The following BCAS3 variants were observed in gnomAD, a reference collection of about 807,000 sequenced individuals.
BCAS3 encodes the protein BCAS4/BCAS3 fusion.
Under a neutral mutation model 116.1 loss-of-function variants are expected in BCAS3, and 53 were observed. The ratio of observed to expected loss-of-function variants is 0.46; its 90% CI spans 0.37 to 0.57. BCAS3 has a LOEUF of 0.57. Among genes scored for constraint, BCAS3 ranks in the 20% least tolerant of loss-of-function variants. The pLI is 0.00. For missense variants in BCAS3, 917 were observed against 1,165.4 expected, an observed-to-expected ratio of 0.79 and a Z score of 3.10; for synonymous variants, 391 against 408.2, an observed-to-expected ratio of 0.96 and a Z score of 0.51.
At chr17:61,043,417 G>T (rs2067708135) in intron 19 of BCAS3, among the ~76,000 whole-genome samples, 1 of 151,970 alleles carries the variant, frequency 6.6e-6, no homozygotes, top group Non-Finnish European at 1.5e-5. Context: ...TGATTCTGTG[G>T]TTTCTCATAT....
rs2076376887 is a variant in BCAS3, at chr17:61,132,176, T to A, written c.2425+47612T>A. Among the ~76,000 whole-genome samples, 1 of 152,222 alleles carries A rather than the reference T, an allele frequency of 6.6e-6. No homozygotes were observed. Among genetic ancestry groups the A allele is most frequent in the Non-Finnish European group, 1.5e-5 (1 of 68,038 alleles). On this transcript the variant is annotated intron_variant, in intron 22 of 23. Transcript: ENST00000407086. This position sits in a 1 kb window ranked among gnomAD's most constrained non-coding sequence, Gnocchi z 5.1. ...TTTTTTCCAGTGATTTTTACTAAAT[T>A]TGATGTTAGGTACCTATAATTACCT...
rs954487114 is a variant in BCAS3, at chr17:61,302,413, T to C, written c.2426-65914T>C. On this transcript the variant is annotated intron_variant, in intron 22 of 23. Transcript: ENST00000407086. This position sits in a 1 kb window ranked among gnomAD's most constrained non-coding sequence, Gnocchi z 4.4. Reference sequence around the variant, plus strand: ...CATGCTAACCACACTATTCCAATAATGAAATGCAAATTTTCCTGCCTTTTT... The same window carrying C: ...CATGCTAACCACACTATTCCAATAACGAAATGCAAATTTTCCTGCCTTTTT... 1.3e-5 allele frequency among the ~76,000 whole-genome samples: 2 copies of C among 152,248 alleles called. No homozygotes were observed. The highest frequency in any genetic ancestry group is 4.8e-5 in the African/African-American group (2 of 41,468).
chr17:60,784,645 C>T (rs1335424026), intron 6 of BCAS3, among the ~76,000 whole-genome samples: 2 of 150,590 alleles, frequency 1.3e-5, no homozygotes, highest in Non-Finnish European at 2.9e-5. Flanking sequence ...CACTGTGTTG[C>T]TCAGGCTGGT....
chr17:61,362,922 C>G lies in BCAS3; in HGVS notation c.2426-5405C>G, dbSNP rs2058527685. On this transcript the variant is annotated intron_variant, in intron 22 of 23. Coordinates refer to ENST00000407086, the MANE Select transcript of BCAS3 (RefSeq NM_017679.5). This position sits in a 1 kb window ranked among gnomAD's most constrained non-coding sequence, Gnocchi z 4.4. ...ACTCCACTTTCTGCCTACTCTGACC[C>G]TAGATATTCAGGCTCTGGTACCCCA... The G allele has an allele frequency of 6.6e-6, 1 of 152,192 alleles. No homozygotes were observed. Among genetic ancestry groups the G allele is most frequent in the Non-Finnish European group, 1.5e-5 (1 of 68,042 alleles). The allele number at this position is 152,192 out of a possible 1,614,324, so 9.4% of individuals were successfully genotyped here. A position where few individuals can be genotyped will look rare whatever the true frequency, so the allele number is the denominator to read the frequency against.
intron 13 of BCAS3, among the ~76,000 whole-genome samples, chr17:60,925,207 A>C (rs2145162384): frequency 6.6e-6 from 1 of 152,004 alleles, no homozygotes; most frequent in South Asian, 2.1e-4. Context: ...GCTTGGCCAG[A>C]TTTTTTTCAT....
intron 7 of BCAS3, among the ~76,000 whole-genome samples, chr17:60,832,742 T>C (rs1391924706): frequency 6.6e-6 from 1 of 151,900 alleles, no homozygotes; most frequent in East Asian, 1.9e-4. Flanking sequence ...CTAAAAACTT[T>C]TGTAGTATCA....
rs770246821 is a variant in BCAS3, at chr17:60,889,779, G to A, written c.738+8G>A. 13 of 1,607,064 alleles carry A rather than the reference G, an allele frequency of 8.1e-6. No homozygotes were observed. In the East Asian group the frequency reaches 8.9e-5, roughly 11 times the overall value. On this transcript the variant is annotated splice_region_variant and intron_variant, in intron 10 of 23. Coordinates refer to ENST00000407086, the MANE Select transcript of BCAS3 (RefSeq NM_017679.5). ...GCTTATGCAGAAAACAAGGTAAGAC[G>A]TGGCCTGTGTTTGGATTATTTGTAA... is the stretch of plus-strand genomic sequence containing the variant.
chr17:61,101,647 A>G (rs535377375), intron 22 of BCAS3, among the ~76,000 whole-genome samples: 1 of 152,260 alleles, frequency 6.6e-6, no homozygotes, highest in East Asian at 1.9e-4. Context: ...TTATTACTAT[A>G]AAGATCTAAG....
intron 14 of BCAS3, among the ~76,000 whole-genome samples, chr17:60,951,001 AT>A (rs2060801630): frequency 6.6e-6 from 1 of 152,190 alleles, no homozygotes; most frequent in African/African-American, 2.4e-5. Flanking sequence ...TTGAAATTAC[AT>A]TTTAATACAG....
At chr17:60,867,483 T>C (rs940784196) in intron 7 of BCAS3, among the ~76,000 whole-genome samples, 2 of 152,196 alleles carry the variant, frequency 1.3e-5, no homozygotes, top group Non-Finnish European at 1.5e-5. Context: ...TGTTCCAAGA[T>C]AGTCAATAGT....
intron 22 of BCAS3, among the ~76,000 whole-genome samples, chr17:61,277,514 A>G (rs1053031679): frequency 2.0e-5 from 3 of 152,164 alleles, no homozygotes; most frequent in Non-Finnish European, 4.4e-5. Context: ...ATCAAACTAA[A>G]AAACATTCAG....
chr17:61,278,155 G>T lies in BCAS3; in HGVS notation c.2426-90172G>T, dbSNP rs927262202. Among the ~76,000 whole-genome samples, 1 of 152,160 alleles carries T rather than the reference G, an allele frequency of 6.6e-6. No homozygotes were observed. Among genetic ancestry groups the T allele is most frequent in the Non-Finnish European group, 1.5e-5 (1 of 68,030 alleles). The stretch of plus-strand genomic sequence containing the variant: ...GGGTCCTGATTCAAGCAATTCTCCT[G>T]CCTCAGCCTCCCGAGTAGCTGGGAT... On this transcript the variant is annotated intron_variant, in intron 22 of 23. Transcript: ENST00000407086. This position sits in a 1 kb window ranked among gnomAD's most constrained non-coding sequence, Gnocchi z 5.8.
rs573073044 is a variant in BCAS3 at position 61,235,632 on chromosome 17, C to T, written c.2426-132695C>T. On this transcript the variant is annotated intron_variant, in intron 22 of 23. Coordinates refer to ENST00000407086, the MANE Select transcript of BCAS3 (RefSeq NM_017679.5). The surrounding 1 kb of genome is among the most constrained non-coding windows in gnomAD (Gnocchi z 5.0). ...GCTACCTCTTTCTAAACAGCGCCAG[C>T]CATGAAGCTTTTGACCTTTTCACCT... 6.6e-6 allele frequency among the ~76,000 whole-genome samples: 1 copy of T among 151,518 alleles called. No homozygotes were observed. Among genetic ancestry groups the T allele is most frequent in the Non-Finnish European group, 1.5e-5 (1 of 67,940 alleles).
At chr17:61,375,437 G>C (rs1004839979) in intron 23 of BCAS3, among the ~76,000 whole-genome samples, 3 of 152,094 alleles carry the variant, frequency 2.0e-5, no homozygotes, top group African/African-American at 7.2e-5. Context: ...GCCTGGGTCA[G>C]TATGGAGGGC....
chr17:60,700,754 C>G (rs1186887256), intron 4 of BCAS3, among the ~76,000 whole-genome samples: 1 of 152,108 alleles, frequency 6.6e-6, no homozygotes, highest in Non-Finnish European at 1.5e-5. Context: ...ACCATTGGTT[C>G]TAGTTGCTGC....
intron 11 of BCAS3, among the ~76,000 whole-genome samples, chr17:60,908,046 A>T (rs1272145535): frequency 6.6e-6 from 1 of 152,216 alleles, no homozygotes; most frequent in African/African-American, 2.4e-5. Context: ...TTAATGGGTT[A>T]TGATAAATAG....
intron 8 of BCAS3, among the ~76,000 whole-genome samples, chr17:60,869,634 A>G (rs1361462432): frequency 6.6e-6 from 1 of 152,198 alleles, no homozygotes; most frequent in Non-Finnish European, 1.5e-5. Flanking sequence ...TCAAGTATAG[A>G]AAGATGAAAA....
At chr17:60,927,319 G>A (rs2059414443) in intron 13 of BCAS3, among the ~76,000 whole-genome samples, 1 of 151,166 alleles carries the variant, frequency 6.6e-6, no homozygotes. Context: ...GCAGTGGCAC[G>A]ATCTCAGCTC....
chr17:61,206,310 C>T (rs1445623809), intron 22 of BCAS3, among the ~76,000 whole-genome samples: 1 of 152,168 alleles, frequency 6.6e-6, no homozygotes, highest in East Asian at 1.9e-4. Flanking sequence ...ATCGTGTCTG[C>T]AGTGTTCTCC....
Sources: allele counts gnomAD v4.1 joint callset (sites outside exome capture counted in the v4.1 genomes callset), GRCh38; gene constraint gnomAD v4.1.1; non-coding constraint Gnocchi (gnomAD v3.1); transcripts MANE v1.5; gene names NCBI Gene and HGNC (gene_info 2026-07-23, HGNC 2026-07-21).